The following PEBP4 variants were observed in gnomAD, a reference collection of about 807,000 sequenced individuals.
PEBP4 encodes phosphatidylethanolamine binding protein 4.
PEBP4 carries 22 observed loss-of-function variants against 23.9 expected under a neutral mutation model. The observed-to-expected ratio is 0.92, with a 90% confidence interval of 0.66 to 1.31. The LOEUF is 1.31. Among genes scored for constraint, PEBP4 ranks in the 40% most tolerant of loss-of-function variants. The pLI, the probability that PEBP4 is intolerant of heterozygous loss-of-function variation, is 0.00. For missense variants in PEBP4, 324 were observed against 281.7 expected (o/e 1.15, Z -1.07); for synonymous variants, 112 against 99.3 (o/e 1.13, Z -0.76).
At chr8:22,885,325 A>G (rs1427043372) in intron 3 of PEBP4, 1 of 152,166 alleles carries the variant, frequency 6.6e-6, no homozygotes, top group Non-Finnish European at 1.5e-5. Flanking sequence ...AGGAGGTTAG[A>G]TGACTTTCTC....
intron 4 of PEBP4, among the ~76,000 whole-genome samples, chr8:22,810,969 C>T (rs929407567): frequency 6.6e-6 from 1 of 152,042 alleles, no homozygotes; most frequent in Admixed American, 6.6e-5. Flanking sequence ...TAGTCAGCCT[C>T]TCTATACACG....
chr8:22,727,172 C>A lies in PEBP4; in HGVS notation c.403+3G>T. On this transcript the variant is annotated splice_donor_region_variant and intron_variant, in intron 5 of 6. Coordinates refer to ENST00000256404, the MANE Select transcript of PEBP4 (RefSeq NM_144962.3). ...GGGAAGGGGTCCCTAGGGTCTTACT[C>A]ACCTGATAACTCCTGGCCCTGAATC... 6.2e-7 allele frequency: 1 copy of A among 1,613,988 alleles called. No homozygotes were observed. The highest frequency in any genetic ancestry group is 8.5e-7 in the Non-Finnish European group (1 of 1,179,970).
intron 3 of PEBP4, among the ~76,000 whole-genome samples, chr8:22,825,636 C>A (rs946149663): frequency 6.6e-6 from 1 of 152,148 alleles, no homozygotes; most frequent in East Asian, 1.9e-4. Context: ...TACTTTCCCT[C>A]GGGTTCTAAC....
At chr8:22,811,793 G>C (rs577408227) in intron 4 of PEBP4, among the ~76,000 whole-genome samples, 108 of 152,344 alleles carry the variant, frequency 7.1e-4, no homozygotes, top group Non-Finnish European at 1.2e-3. Flanking sequence ...CTCCAGGCTG[G>C]GCCTGGACTC....
intron 3 of PEBP4, among the ~76,000 whole-genome samples, chr8:22,849,027 G>A (rs537985580): frequency 2.6e-5 from 4 of 152,298 alleles, no homozygotes; most frequent in African/African-American, 9.6e-5. Flanking sequence ...TGGAGCAAGA[G>A]GGCAACCCCC....
chr8:22,916,449 C>A (rs1179605850), intron 3 of PEBP4, among the ~76,000 whole-genome samples: 1 of 152,210 alleles, frequency 6.6e-6, no homozygotes, highest in Non-Finnish European at 1.5e-5. Context: ...TTCTCATGAA[C>A]CTGCCTGACT....
chr8:22,917,034 A>G (rs1809090834), intron 3 of PEBP4, among the ~76,000 whole-genome samples: 1 of 149,812 alleles, frequency 6.7e-6, no homozygotes, highest in South Asian at 2.1e-4. Flanking sequence ...GAAGTGGCCA[A>G]TGCCAGAATA....
At chr8:22,860,694 G>A (rs1386722616) in intron 3 of PEBP4, among the ~76,000 whole-genome samples, 4 of 152,192 alleles carry the variant, frequency 2.6e-5, no homozygotes, top group African/African-American at 7.2e-5. Context: ...CGTACTCCGT[G>A]GAGCTTTCCT....
intron 3 of PEBP4, among the ~76,000 whole-genome samples, chr8:22,913,434 A>C (rs1440781538): frequency 6.6e-6 from 1 of 151,972 alleles, no homozygotes; most frequent in African/African-American, 2.4e-5. Context: ...GCTCTGCCCC[A>C]AAGTCCTTCC....
chr8:22,835,588 AG>A (rs952661505), intron 3 of PEBP4, among the ~76,000 whole-genome samples: 1 of 152,226 alleles, frequency 6.6e-6, no homozygotes, highest in Non-Finnish European at 1.5e-5. Context: ...GAGCACTGGA[AG>A]GAATAGGGAT....
intron 3 of PEBP4, among the ~76,000 whole-genome samples, chr8:22,881,837 G>C (rs1212993356): frequency 4.3e-4 from 65 of 152,192 alleles, no homozygotes; most frequent in Non-Finnish European, 2.9e-5. Context: ...TGAGCAGGTG[G>C]GGACTATTGA....
intron 3 of PEBP4, among the ~76,000 whole-genome samples, chr8:22,905,259 A>G (rs1808786708): frequency 6.6e-6 from 1 of 151,456 alleles, no homozygotes; most frequent in African/African-American, 2.4e-5. Flanking sequence ...TCTTTCTATA[A>G]TCACCCATTA....
intron 1 of PEBP4, 25 bp from the exon 2 acceptor site, chr8:22,927,745 G>T (rs577911332): frequency 1.2e-6 from 2 of 1,612,360 alleles, no homozygotes; most frequent in Admixed American, 1.7e-5. Flanking sequence ...ACTTTAGAGC[G>T]GCTGGATCCC....
At chr8:22,715,632 G>T (rs1338436484) in intron 6 of PEBP4, among the ~76,000 whole-genome samples, 1 of 152,214 alleles carries the variant, frequency 6.6e-6, no homozygotes, top group South Asian at 2.1e-4. Flanking sequence ...TCAATAGTTC[G>T]GAAGCCTCTG....
rs569344757 is a variant in PEBP4, at chr8:22,909,363, G to A, written c.258+10821C>T. 5.3e-5 allele frequency among the ~76,000 whole-genome samples: 8 copies of A among 152,314 alleles called. No individual in the cohort carries two copies. In the South Asian group the frequency reaches 1.7e-3, roughly 32 times the overall value. On this transcript the variant is annotated intron_variant, in intron 3 of 6. Transcript: ENST00000256404. ...CACCTGGGAGTTCGAATGTGTAATG[G>A]CTTCTTCTGACTCAATGTCAGGTTA... is the stretch of plus-strand genomic sequence containing the variant.
At chr8:22,935,681 C>T (rs1278607445) in intron 1 of PEBP4, among the ~76,000 whole-genome samples, 2 of 152,142 alleles carry the variant, frequency 1.3e-5, no homozygotes, top group African/African-American at 4.8e-5. Flanking sequence ...TTATGCACAA[C>T]ATTATTAATA....
At chr8:22,808,481 C>G (rs535535330) in intron 4 of PEBP4, among the ~76,000 whole-genome samples, 48 of 152,316 alleles carry the variant, frequency 3.2e-4, no homozygotes, top group Non-Finnish European at 6.3e-4. Context: ...TTTCTGCTCT[C>G]CAGGAACTCA....
Position 22,926,508 on chromosome 8 carries a change from C to T in PEBP4, c.131+1076G>A, listed in dbSNP as rs545170615. On this transcript the variant is annotated intron_variant, in intron 2 of 6. Coordinates refer to ENST00000256404, the MANE Select transcript of PEBP4 (RefSeq NM_144962.3). The stretch of plus-strand genomic sequence containing the variant: ...GACAGGTGTGCATCAGCATGCTTGG[C>T]TAGTTTTTAAACTGTTTTGTAGAGA... Among the ~76,000 whole-genome samples, 18 of 152,052 alleles carry T rather than the reference C, an allele frequency of 1.2e-4. No individual in the cohort carries two copies. The South Asian group carries it at 1.7e-3, about 14-fold the overall frequency.
chr8:22,792,285 A>C (rs1484308484), intron 4 of PEBP4, among the ~76,000 whole-genome samples: 1 of 152,074 alleles, frequency 6.6e-6, no homozygotes, highest in Non-Finnish European at 1.5e-5. Flanking sequence ...TGGGTGCAAT[A>C]TTCCAAACAA....
Sources: allele counts gnomAD v4.1 joint callset (sites outside exome capture counted in the v4.1 genomes callset), GRCh38; gene constraint gnomAD v4.1.1; transcripts MANE v1.5; gene names NCBI Gene and HGNC (gene_info 2026-07-23, HGNC 2026-07-21).